SLC15A5: variants seen among roughly 807,000 people sequenced by gnomAD.
SLC15A5 encodes the protein solute carrier family 15 member 5, also known as Peptide/histidine transporter ENSP00000340402.
SLC15A5 carries 58 observed loss-of-function variants against 56.1 expected under a neutral mutation model. The observed-to-expected ratio is 1.03, with a 90% CI of 0.84 to 1.29. The LOEUF is 1.29. Among genes scored for constraint, SLC15A5 ranks in the 50% most tolerant of loss-of-function variants. The pLI is 0.00. For synonymous variants in SLC15A5, 264 were observed against 250.5 expected, an observed-to-expected ratio of 1.05 and a Z score of -0.51; for missense variants, 681 against 672.1, an observed-to-expected ratio of 1.01 and a Z score of -0.15.
At position 16,244,770 on chromosome 12, in the gene SLC15A5, A is replaced by G. The variant is rs1864446073; in HGVS notation, c.785T>C (p.Leu262Ser). The G allele has an allele frequency of 1.3e-6, 2 of 1,537,716 alleles. No homozygotes were observed. The highest frequency in any genetic ancestry group is 1.2e-5 in the South Asian group (1 of 84,062). ...RCSLLTGVGV[L>S]VSALKTCHPQ... ...GTGGCATGTTTTCAGTGCACTAACC[A>G]ACACCCCAACGCCTGTCAGGAGAGA... The change falls in exon 4 of 9, where the codon TTG (leucine) becomes TCG (serine). Residue 262 changes from leucine to serine, a missense_variant. Coordinates refer to ENST00000344941, the MANE Select transcript of SLC15A5 (RefSeq NM_001170798.1).
intron 8 of SLC15A5, among the ~76,000 whole-genome samples, chr12:16,191,499 A>C (rs894495941): frequency 6.6e-6 from 1 of 152,066 alleles, no homozygotes; most frequent in Non-Finnish European, 1.5e-5. Context: ...GGTTTGATAA[A>C]AAATGGGATT....
chr12:16,270,781 C>T (rs117330283), intron 2 of SLC15A5, among the ~76,000 whole-genome samples: 6 of 152,242 alleles, frequency 3.9e-5, no homozygotes, highest in Non-Finnish European at 7.4e-5. Flanking sequence ...TTGTCACCAG[C>T]CCCCGCACTG....
rs1169140285 is a variant in SLC15A5 at position 16,237,957 on chromosome 12, G to T, written c.1162+1724C>A. 6.6e-6 allele frequency among the ~76,000 whole-genome samples: 1 copy of T among 152,018 alleles called. No homozygotes were observed. On this transcript the variant is annotated intron_variant, in intron 5 of 8. Coordinates refer to ENST00000344941, the MANE Select transcript of SLC15A5 (RefSeq NM_001170798.1). This position sits in a 1 kb window ranked among gnomAD's most constrained non-coding sequence, Gnocchi z 4.1. ...CTAATCCTGGACATTCACCAAATAT[G>T]TGCTGGCTTTTGGATTTCTACATTG...
At position 16,257,866 on chromosome 12, in the gene SLC15A5, A is replaced by G. The variant is rs1471892298; in HGVS notation, c.589T>C (p.Tyr197His). 8 of 1,489,924 alleles carry G rather than the reference A, an allele frequency of 5.4e-6. No homozygotes were observed. The highest frequency in any genetic ancestry group is 2.5e-5 in the Admixed American group (1 of 39,812). The allele number at this position is 1,489,924 out of a possible 1,614,324, so 92.3% of individuals were successfully genotyped here. The change falls in exon 3 of 9, where the codon TAT (tyrosine) becomes CAT (histidine). Residue 197 changes from tyrosine (Y) to histidine (H), a missense_variant. Transcript: ENST00000344941. ...GTTGCATTTAGGTTCATGAGCCAATAAAACCTGGGGTATACAGACAGACAA... is the reference window on the plus strand; with the variant it reads ...GTTGCATTTAGGTTCATGAGCCAATGAAACCTGGGGTATACAGACAGACAA... ...QKTMSFFNWF[Y>H]WLMNLNATIV...
chr12:16,244,603 G>C lies in SLC15A5; in HGVS notation c.952C>G (p.Leu318Val). The change falls in exon 4 of 9, where the codon CTA (leucine) becomes GTA (valine). Residue 318 changes from leucine to valine, a missense_variant. By Grantham distance (32) the Leu-to-Val change is conservative. Transcript: ENST00000344941. The part of the protein sequence containing the change: ...TLLPLFIFQL[L>V]YRMCIMQIPS... ...ACCTGCATAATGCACATTCTGTATA[G>C]GAGCTGAAAAATGAAGAGAGGGAGA... The C allele has an allele frequency of 6.5e-7, 1 of 1,537,776 alleles. No individual in the cohort carries two copies. Among genetic ancestry groups the C allele is most frequent in the Non-Finnish European group, 8.7e-7 (1 of 1,147,028 alleles).
Position 16,216,903 on chromosome 12 carries a change from G to T in SLC15A5, c.1473C>A (p.Leu491=). The T allele has an allele frequency of 6.5e-7, 1 of 1,536,132 alleles. No individual in the cohort carries two copies. The highest frequency in any genetic ancestry group is 8.7e-7 in the Non-Finnish European group (1 of 1,146,420). The change falls in exon 7 of 9, where the codon CTC becomes CTA. Residue 491 remains leucine, a synonymous_variant. Coordinates refer to ENST00000344941, the MANE Select transcript of SLC15A5 (RefSeq NM_001170798.1). ...CGAACCTATTTTTACCATCTGAGAT[G>T]AGATATACCAACTTCACCAGCAGTG... ...TGALLVKLVY[L]ISDGNWFPNT...
Position 16,194,387 on chromosome 12 carries a change from A to G in SLC15A5, c.1550T>C (p.Leu517Ser). The G allele has an allele frequency of 6.5e-7, 1 of 1,535,478 alleles. No homozygotes were observed. Among genetic ancestry groups the G allele is most frequent in the Non-Finnish European group, 8.7e-7 (1 of 1,145,638 alleles). Residue 517 changes from leucine (L) to serine (S), a missense_variant, in exon 8 of 9, where the codon TTA (leucine) becomes TCA (serine). By Grantham distance (145) the Leu-to-Ser change is moderately radical (BLOSUM62 -2). Coordinates refer to ENST00000344941, the MANE Select transcript of SLC15A5 (RefSeq NM_001170798.1). ...LESFFFFLAS[L>S]TLLNVLGFCS... ...GAATCCCAGGACGTTCAACAATGTT[A>G]ATGATGCCAGGAAGAAGAAGAAGCT...
chr12:16,195,651 C>T lies in SLC15A5; in HGVS notation c.1484-1198G>A, dbSNP rs138529500. On this transcript the variant is annotated intron_variant, in intron 7 of 8. Transcript: ENST00000344941. ...GGGACCAGAGCAATCAGTCTGTTGA[C>T]CCAATAGGACTGGGCTTCAGTACCA... Among the ~76,000 whole-genome samples the T allele has an allele frequency of 1.7e-3, 253 of 152,144 alleles. 1 individual carries two copies. Among genetic ancestry groups the T allele is most frequent in the African/African-American group, 5.8e-3 (241 of 41,528 alleles).
rs1445554582 is a variant in SLC15A5 at position 16,189,055 on chromosome 12, T to G, written c.*613A>C. 3 of 152,198 alleles carry G rather than the reference T, an allele frequency of 2.0e-5. No individual in the cohort carries two copies. Among genetic ancestry groups the G allele is most frequent in the Non-Finnish European group, 4.4e-5 (3 of 68,034 alleles). The allele number at this position is 152,198 out of a possible 1,614,324, so 9.4% of individuals were successfully genotyped here. A position where few individuals can be genotyped will look rare whatever the true frequency, so the allele number is the denominator to read the frequency against. On this transcript the variant is annotated 3_prime_UTR_variant, in exon 9 of 9. Coordinates refer to ENST00000344941, the MANE Select transcript of SLC15A5 (RefSeq NM_001170798.1). The stretch of plus-strand genomic sequence containing the variant: ...ATAATTCCATAACTTACATTTATTT[T>G]TCAACTTTTTTAGTATGCGGACATT...
At chr12:16,209,324 C>A (rs1225938721) in intron 7 of SLC15A5, among the ~76,000 whole-genome samples, 3 of 151,982 alleles carry the variant, frequency 2.0e-5, no homozygotes, top group Admixed American at 6.6e-5. Context: ...TTCCAGCTTT[C>A]TGGCTGCTAT....
intron 7 of SLC15A5, among the ~76,000 whole-genome samples, chr12:16,195,990 A>G (rs1164457094): frequency 6.6e-6 from 1 of 152,102 alleles, no homozygotes; most frequent in Non-Finnish European, 1.5e-5. Flanking sequence ...GGTAAAGTGC[A>G]ACTTACAAAA....
At chr12:16,215,310 G>A (rs1295795555) in intron 7 of SLC15A5, among the ~76,000 whole-genome samples, 1 of 149,784 alleles carries the variant, frequency 6.7e-6, no homozygotes, top group East Asian at 2.0e-4. Flanking sequence ...GCCTGCATAT[G>A]AAACATTTAG....
At chr12:16,220,296 T>C (rs1440904045) in intron 6 of SLC15A5, among the ~76,000 whole-genome samples, 2 of 152,204 alleles carry the variant, frequency 1.3e-5, no homozygotes, top group East Asian at 3.9e-4. Context: ...TTCCTCTTTT[T>C]CTCAGAGTTG....
At chr12:16,192,232 ATAGAAAAT>A in intron 8 of SLC15A5, among the ~76,000 whole-genome samples, 1 of 152,246 alleles carries the variant, frequency 6.6e-6, no homozygotes, top group East Asian at 1.9e-4. Context: ...TGCTCAACAC[ATAGAAAAT>A]TAATTTCTTT....
At chr12:16,255,563 C>T (rs947679952) in intron 3 of SLC15A5, among the ~76,000 whole-genome samples, 3 of 151,976 alleles carry the variant, frequency 2.0e-5, no homozygotes, top group African/African-American at 7.2e-5. Flanking sequence ...TATATATGGA[C>T]TTACTTTTGA....
chr12:16,225,149 C>A (rs1394033549), intron 5 of SLC15A5, among the ~76,000 whole-genome samples: 1 of 152,040 alleles, frequency 6.6e-6, no homozygotes, highest in Non-Finnish European at 1.5e-5. Flanking sequence ...TGGTTTGGTT[C>A]CAAGTCTTTG....
At chr12:16,207,102 A>G (rs1864026876) in intron 7 of SLC15A5, among the ~76,000 whole-genome samples, 1 of 152,198 alleles carries the variant, frequency 6.6e-6, no homozygotes, top group African/African-American at 2.4e-5. Context: ...TCTGATATTA[A>G]TTTGAGTGTC....
intron 7 of SLC15A5, among the ~76,000 whole-genome samples, chr12:16,215,005 C>A (rs1333437072): frequency 4.6e-5 from 7 of 151,772 alleles, no homozygotes; most frequent in African/African-American, 1.5e-4. Flanking sequence ...GAGATTGAGA[C>A]CATCCTGGCC....
intron 8 of SLC15A5, 30 bp from the exon 9 acceptor site, chr12:16,189,845 A>G (rs1202288959): frequency 1.7e-5 from 24 of 1,434,910 alleles, no homozygotes; most frequent in South Asian, 3.0e-5. Flanking sequence ...AGCTTTTCTT[A>G]GGACCAGATG....
Sources: allele counts gnomAD v4.1 joint callset (sites outside exome capture counted in the v4.1 genomes callset), GRCh38; gene constraint gnomAD v4.1.1; non-coding constraint Gnocchi (gnomAD v3.1); transcripts MANE v1.5; gene names NCBI Gene and HGNC (gene_info 2026-07-23, HGNC 2026-07-21).